Variants in STAC observed in about 807,000 individuals in gnomAD.
The protein encoded by STAC is SH3 and cysteine-rich domain-containing protein.
STAC carries 43 observed loss-of-function variants against 48.8 expected under a neutral mutation model. The observed-to-expected ratio is 0.88, with a 90% CI of 0.69 to 1.14. The LOEUF (loss-of-function observed/expected upper bound fraction) is 1.14, where lower values mean the gene tolerates loss of function less well. Among genes scored for constraint, STAC ranks in the 50% most tolerant of loss-of-function variants. The probability of loss-of-function intolerance (pLI) is 0.00; values close to 1 mark genes in which losing one functional copy is unlikely to be tolerated. For missense variants in STAC, 497 were observed against 504.0 expected, an observed-to-expected ratio of 0.99 and a Z score of 0.13; for synonymous variants, 193 against 179.5, an observed-to-expected ratio of 1.07 and a Z score of -0.60.
At chr3:36,479,514 A>C (rs2125697218) in intron 2 of STAC, among the ~76,000 whole-genome samples, 1 of 152,316 alleles carries the variant, frequency 6.6e-6, no homozygotes, top group Admixed American at 6.5e-5. Context: ...GGTAGGACTA[A>C]GTGGGAAATT....
At chr3:36,396,223 T>C (rs1354383727) in intron 1 of STAC, among the ~76,000 whole-genome samples, 3 of 152,182 alleles carry the variant, frequency 2.0e-5, no homozygotes, top group Admixed American at 1.3e-4. Context: ...AGGCAGAGTA[T>C]ACATGACTTA....
In STAC at chr3:36,438,830, G is replaced by A. The variant is rs138039227; in HGVS notation, c.112-4534G>A. Among the ~76,000 whole-genome samples, 656 of 152,314 alleles carry A rather than the reference G, an allele frequency of 4.3e-3. 4 individuals carry two copies. Among genetic ancestry groups the A allele is most frequent in the Non-Finnish European group, 7.1e-3 (484 of 68,032 alleles). ...GCACAGGAGGGAGACAAGATTGGAT[G>A]TGTGTAAGCATCCTCCCCGTCACTT... is the stretch of plus-strand genomic sequence containing the variant. On this transcript the variant is annotated intron_variant, in intron 1 of 10. Transcript: ENST00000273183.
At chr3:36,474,371 T>C (rs983125299) in intron 2 of STAC, among the ~76,000 whole-genome samples, 10 of 152,212 alleles carry the variant, frequency 6.6e-5, no homozygotes, top group African/African-American at 2.4e-4. Flanking sequence ...TTCATCCTCA[T>C]TGACCATGGT....
chr3:36,510,929 A>C (rs1464227498), intron 8 of STAC, among the ~76,000 whole-genome samples: 8 of 152,134 alleles, frequency 5.3e-5, no homozygotes, highest in African/African-American at 1.9e-4. Flanking sequence ...CACGTTCTGC[A>C]CATGTATCCC....
At chr3:36,436,032 T>C (rs1392657106) in intron 1 of STAC, among the ~76,000 whole-genome samples, 2 of 152,212 alleles carry the variant, frequency 1.3e-5, no homozygotes, top group African/African-American at 2.4e-5. Flanking sequence ...TTTCATCTAG[T>C]CTCATGGTTT....
chr3:36,456,459 G>T (rs1431205705), intron 2 of STAC, among the ~76,000 whole-genome samples: 1 of 152,128 alleles, frequency 6.6e-6, no homozygotes, highest in Admixed American at 6.6e-5. Context: ...CCCAAATGCA[G>T]TCGTGCTCAG....
intron 1 of STAC, among the ~76,000 whole-genome samples, chr3:36,405,891 T>C (rs1306533636): frequency 1.3e-5 from 2 of 152,174 alleles, no homozygotes; most frequent in Admixed American, 6.5e-5. Flanking sequence ...GACTGCTTTT[T>C]AGTTTTTATT....
chr3:36,440,276 A>G (rs1052922147), intron 1 of STAC, among the ~76,000 whole-genome samples: 2 of 152,240 alleles, frequency 1.3e-5, no homozygotes, highest in African/African-American at 4.8e-5. Flanking sequence ...CCAGTTATCT[A>G]TTGCTGTGTA....
intron 2 of STAC, among the ~76,000 whole-genome samples, chr3:36,460,999 T>A (rs55725146): frequency 6.6e-6 from 1 of 152,032 alleles, no homozygotes; most frequent in South Asian, 2.1e-4. Context: ...TGAGGAAATA[T>A]GAGTAAGCAA....
intron 1 of STAC, among the ~76,000 whole-genome samples, chr3:36,414,213 T>C (rs1454682805): frequency 2.6e-5 from 4 of 152,214 alleles, no homozygotes; most frequent in African/African-American, 9.6e-5. Context: ...TGAATTTGAA[T>C]GTTGACCTGC....
rs114854136 is a variant in STAC, at chr3:36,505,935, G to A, written c.920+101G>A. 755 of 716,744 alleles carry A rather than the reference G, an allele frequency of 1.1e-3. 1 individual carries two copies. In the African/African-American group the frequency reaches 0.013, roughly 12 times the overall value. 44.4% of individuals were successfully genotyped at this position (716,744 alleles called of 1,614,324 possible). A position where few individuals can be genotyped will look rare whatever the true frequency, so the allele number is the denominator to read the frequency against. ...TCTGTGCCCCTCCTAATGCTTTATA[G>A]CTGTGATTCTCAAACTTTAGCATGT... On this transcript the variant is annotated intron_variant, in intron 8 of 10. Coordinates refer to ENST00000273183, the MANE Select transcript of STAC (RefSeq NM_003149.3).
intron 6 of STAC, among the ~76,000 whole-genome samples, chr3:36,497,583 C>T (rs1198751610): frequency 4.6e-5 from 7 of 151,968 alleles, no homozygotes; most frequent in Admixed American, 2.6e-4. Flanking sequence ...GATGAAAGAC[C>T]CTTTTGAAAC....
chr3:36,443,719 A>G lies in STAC; in HGVS notation c.388+79A>G. 6.5e-7 allele frequency: 1 copy of G among 1,534,852 alleles called. No individual in the cohort carries two copies. The highest frequency in any genetic ancestry group is 8.8e-7 in the Non-Finnish European group (1 of 1,133,632). On this transcript the variant is annotated intron_variant, in intron 2 of 10. Transcript: ENST00000273183. This position sits in a 1 kb window ranked among gnomAD's most constrained non-coding sequence, Gnocchi z 4.2. Reference sequence around the variant, plus strand: ...AGAGTGGTGTGCCACGGGTCCAGGTACCTACGGACAGATGCTAGGCCTCAG... The same window carrying G: ...AGAGTGGTGTGCCACGGGTCCAGGTGCCTACGGACAGATGCTAGGCCTCAG...
chr3:36,411,895 T>C (rs944965443), intron 1 of STAC, among the ~76,000 whole-genome samples: 1 of 152,134 alleles, frequency 6.6e-6, no homozygotes, highest in Admixed American at 6.5e-5. Flanking sequence ...TATTTCAAAA[T>C]TTTGCAGATT....
chr3:36,512,851 G>A (rs1698576787), intron 8 of STAC, among the ~76,000 whole-genome samples: 1 of 152,144 alleles, frequency 6.6e-6, no homozygotes. Flanking sequence ...GATTTAGAAT[G>A]TGTAAGGCAA....
chr3:36,535,583 C>A (rs142855548), intron 10 of STAC, among the ~76,000 whole-genome samples: 1 of 152,116 alleles, frequency 6.6e-6, no homozygotes, highest in Non-Finnish European at 1.5e-5. Context: ...TTTGCCCATT[C>A]GGTATAATAT....
intron 8 of STAC, among the ~76,000 whole-genome samples, chr3:36,525,380 G>A (rs1698907564): frequency 6.6e-6 from 1 of 152,140 alleles, no homozygotes; most frequent in African/African-American, 2.4e-5. Context: ...ATCCCAGTGA[G>A]TGCCTTATTC....
chr3:36,490,107 T>C (rs1697927714), intron 5 of STAC, among the ~76,000 whole-genome samples: 1 of 152,234 alleles, frequency 6.6e-6, no homozygotes, highest in Non-Finnish European at 1.5e-5. Flanking sequence ...ATCAGCCCTC[T>C]GTCTCTCTCC....
At chr3:36,417,622 C>A (rs1416019747) in intron 1 of STAC, among the ~76,000 whole-genome samples, 1 of 152,096 alleles carries the variant, frequency 6.6e-6, no homozygotes, top group South Asian at 2.1e-4. Context: ...TAAAGTTTCT[C>A]TTTGTATTTA....
Sources: allele counts gnomAD v4.1 joint callset (sites outside exome capture counted in the v4.1 genomes callset), GRCh38; gene constraint gnomAD v4.1.1; non-coding constraint Gnocchi (gnomAD v3.1); transcripts MANE v1.5; gene names NCBI Gene and HGNC (gene_info 2026-07-23, HGNC 2026-07-21).